Variants in B3GALT1 observed in about 807,000 individuals in gnomAD.
B3GALT1 encodes the protein beta-1,3-galactosyltransferase 1.
Under a neutral mutation model 23.2 loss-of-function variants are expected in B3GALT1, and 10 were observed. The ratio of observed to expected loss-of-function variants is 0.43; its 90% confidence interval spans 0.27 to 0.73. B3GALT1 has a LOEUF of 0.73. Ranked by LOEUF, B3GALT1 falls within the 30% of genes least tolerant of loss-of-function variation. The pLI is 0.21. For missense variants in B3GALT1, 299 were observed against 405.4 expected, an observed-to-expected ratio of 0.74 and a Z score of 2.25; for synonymous variants, 156 against 141.5, an observed-to-expected ratio of 1.10 and a Z score of -0.73.
intron 2 of B3GALT1, among the ~76,000 whole-genome samples, chr2:167,606,762 G>A (rs566404760): frequency 6.6e-6 from 1 of 152,320 alleles, no homozygotes; most frequent in South Asian, 2.1e-4. Flanking sequence ...TTGAAAGTAA[G>A]ACAAATAAAA....
intron 1 of B3GALT1, among the ~76,000 whole-genome samples, chr2:167,339,182 A>G (rs1270443992): frequency 2.6e-5 from 4 of 152,214 alleles, no homozygotes; most frequent in Non-Finnish European, 5.9e-5. Flanking sequence ...ATTGACTGAA[A>G]TGGCAAAGAA....
intron 2 of B3GALT1, among the ~76,000 whole-genome samples, chr2:167,570,863 C>G (rs150017882): frequency 0.016 from 2,402 of 152,006 alleles, 30 homozygotes; most frequent in South Asian, 0.042. Flanking sequence ...TACACATTAG[C>G]AAATCTACTT....
intron 1 of B3GALT1, among the ~76,000 whole-genome samples, chr2:167,422,404 C>T (rs923758642): frequency 5.3e-5 from 8 of 152,162 alleles, no homozygotes; most frequent in Non-Finnish European, 1.0e-4. Context: ...GTTTAAACCA[C>T]CCAGTCTATG....
intron 4 of B3GALT1, among the ~76,000 whole-genome samples, chr2:167,825,585 A>G (rs1254595213): frequency 6.6e-6 from 1 of 151,860 alleles, no homozygotes; most frequent in African/African-American, 2.4e-5. Flanking sequence ...AGAGTACACC[A>G]TAAATAATTT....
intron 1 of B3GALT1, among the ~76,000 whole-genome samples, chr2:167,467,937 A>G (rs1699371793): frequency 6.6e-6 from 1 of 152,154 alleles, no homozygotes; most frequent in African/African-American, 2.4e-5. Flanking sequence ...CCAGTAGAGG[A>G]AAGTAGATAA....
Position 167,868,898 on chromosome 2 carries a change from A to T in B3GALT1, c.-142A>T. The T allele has an allele frequency of 3.2e-6, 3 of 948,662 alleles. No individual in the cohort carries two copies. Among genetic ancestry groups the T allele is most frequent in the Non-Finnish European group, 4.7e-6 (3 of 640,852 alleles). 58.8% of individuals were successfully genotyped at this position (948,662 alleles called of 1,614,324 possible). ...GCGCAGAGGTGACAGACAGCCACTG[A>T]GGCCCATGGACAATCTCCACCTCAC... On this transcript the variant is annotated 5_prime_UTR_variant, in exon 5 of 5. It removes the in-frame stop codon of an upstream open reading frame in the 5' UTR. Transcript: ENST00000392690.
chr2:167,838,005 T>A (rs1336411880), intron 4 of B3GALT1, among the ~76,000 whole-genome samples: 1 of 151,470 alleles, frequency 6.6e-6, no homozygotes, highest in South Asian at 2.1e-4. Context: ...CATACCAGAA[T>A]CTCTGGGACA....
chr2:167,494,329 C>G (rs992357461), intron 2 of B3GALT1, among the ~76,000 whole-genome samples: 1 of 150,032 alleles, frequency 6.7e-6, no homozygotes, highest in Non-Finnish European at 1.5e-5. Flanking sequence ...CAGAGTGAGA[C>G]TCCTCTCAAA....
intron 2 of B3GALT1, among the ~76,000 whole-genome samples, chr2:167,602,433 G>A (rs1018900736): frequency 2.0e-5 from 3 of 152,102 alleles, no homozygotes; most frequent in Non-Finnish European, 4.4e-5. Context: ...TTAGAAATAT[G>A]GCTGAGATTC....
rs1381897187 is a variant in B3GALT1, at chr2:167,794,134, A to G, written c.-351-24538A>G. Reference sequence around the variant, plus strand: ...TCTCAGTCCTCTGAGCCGTTCTCACATTCTAGGACTCTGCTTCTAACTGCT... The same window carrying G: ...TCTCAGTCCTCTGAGCCGTTCTCACGTTCTAGGACTCTGCTTCTAACTGCT... On this transcript the variant is annotated intron_variant, in intron 3 of 4. Coordinates refer to ENST00000392690, the MANE Select transcript of B3GALT1 (RefSeq NM_020981.4). Among the ~76,000 whole-genome samples, 3 of 152,240 alleles carry G rather than the reference A, an allele frequency of 2.0e-5. No individual in the cohort carries two copies. The East Asian group carries it at 5.8e-4, about 29-fold the overall frequency.
intron 3 of B3GALT1, among the ~76,000 whole-genome samples, chr2:167,774,485 GTTTTTTTTTTTGTTT>G (rs1688125665): frequency 1.9e-5 from 2 of 105,180 alleles, no homozygotes; most frequent in Non-Finnish European, 2.0e-5. Context: ...TTTTTTTTTT[GTTTTTTTTTTTGTTT>G]TTTTTTTTTT....
rs1030958426 is a variant in B3GALT1, at chr2:167,818,760, G to GA, written c.-261dup. 5.1e-4 allele frequency among the ~76,000 whole-genome samples: 77 copies of GA among 152,236 alleles called. No homozygotes were observed. Among genetic ancestry groups the GA allele is most frequent in the African/African-American group, 1.8e-3 (75 of 41,534 alleles). ...GCTTGATTTCCTGAACTTGTAGTAA[G>GA]AAGAAGGAAAACACAGCACGCTGGA... On this transcript the variant is annotated 5_prime_UTR_variant, in exon 4 of 5. Transcript: ENST00000392690.
rs150068450 is a variant in B3GALT1 at position 167,500,133 on chromosome 2, C to G, written c.-410+9856C>G. On this transcript the variant is annotated intron_variant, in intron 2 of 4. Coordinates refer to ENST00000392690, the MANE Select transcript of B3GALT1 (RefSeq NM_020981.4). ...TAATGTCACAATAGCCTCACAGGAA[C>G]AATTTCCTAGTCCCTGGTAAAAGCC... is the stretch of plus-strand genomic sequence containing the variant. Among the ~76,000 whole-genome samples the G allele has an allele frequency of 4.9e-4, 74 of 152,194 alleles. No individual in the cohort carries two copies. In the East Asian group the frequency reaches 0.013, roughly 27 times the overall value.
At chr2:167,414,329 CTATG>C in intron 1 of B3GALT1, among the ~76,000 whole-genome samples, 1 of 152,190 alleles carries the variant, frequency 6.6e-6, no homozygotes, top group South Asian at 2.1e-4. Context: ...AGTTGACTGA[CTATG>C]TAATTCTGGC....
chr2:167,362,570 C>T (rs1270205312), intron 1 of B3GALT1, among the ~76,000 whole-genome samples: 2 of 151,790 alleles, frequency 1.3e-5, no homozygotes, highest in East Asian at 3.9e-4. Context: ...TCGTTCATTC[C>T]CACCCCCATT....
intron 3 of B3GALT1, among the ~76,000 whole-genome samples, chr2:167,686,470 A>T (rs74357568): frequency 6.6e-6 from 1 of 152,230 alleles, no homozygotes; most frequent in Non-Finnish European, 1.5e-5. Flanking sequence ...GCTTCCAAAT[A>T]TCATAAAATT....
At chr2:167,506,351 A>G (rs185423966) in intron 2 of B3GALT1, among the ~76,000 whole-genome samples, 1 of 152,208 alleles carries the variant, frequency 6.6e-6, no homozygotes, top group African/African-American at 2.4e-5. Flanking sequence ...ACTTTGAAGC[A>G]AAAAGGAGAC....
intron 2 of B3GALT1, among the ~76,000 whole-genome samples, chr2:167,588,866 T>TTTCC (rs764207112): frequency 3.2e-4 from 43 of 133,816 alleles, no homozygotes; most frequent in East Asian, 5.2e-4. Context: ...TCCTTCCTTC[T>TTTCC]TTCCTTCCTT....
chr2:167,728,990 G>A (rs35284000), intron 3 of B3GALT1, among the ~76,000 whole-genome samples: 28,197 of 152,038 alleles, frequency 0.19, 3,374 homozygotes, highest in Non-Finnish European at 0.26. Context: ...TTATTTTAAT[G>A]TATTGGTTGA....
Sources: gnomAD v4.1 joint callset for allele counts (sites outside exome capture counted in the v4.1 genomes callset) on GRCh38, gnomAD v4.1.1 for gene constraint, MANE v1.5 for transcripts, NCBI Gene and HGNC (gene_info 2026-07-23, HGNC 2026-07-21) for gene names.